CHST8: variants seen among roughly 807,000 people sequenced by gnomAD.
CHST8 encodes carbohydrate sulfotransferase 8, also known as GALNAC-4-ST1.
CHST8 carries 10 observed loss-of-function variants against 15.0 expected under a neutral mutation model. That is an observed-to-expected ratio of 0.67 (90% CI 0.41 to 1.13). CHST8 has a LOEUF of 1.13. CHST8 is among the 50% of genes most tolerant of loss of function. The pLI, the probability that CHST8 is intolerant of heterozygous loss-of-function variation, is 0.00. For missense variants in CHST8, 634 were observed against 608.2 expected (o/e 1.04, Z -0.45); for synonymous variants, 259 against 256.6 (o/e 1.01, Z -0.09).
rs557715273 is a variant in CHST8 at position 33,754,966 on chromosome 19, C to T, written c.131-16447C>T. Among the ~76,000 whole-genome samples, 42 of 152,316 alleles carry T rather than the reference C, an allele frequency of 2.8e-4. 1 individual carries two copies. In the South Asian group the frequency reaches 8.3e-3, roughly 30 times the overall value. ...CAGGGGCACCTGTCTGCAGCCTGAT[C>T]CTCCTTCTTCCGAGCAGCTCAGCCC... On this transcript the variant is annotated intron_variant, in intron 3 of 4. Transcript: ENST00000650847.
intron 1 of CHST8, among the ~76,000 whole-genome samples, chr19:33,623,267 C>T (rs956786831): frequency 5.9e-5 from 9 of 152,208 alleles, no homozygotes; most frequent in African/African-American, 2.2e-4. Flanking sequence ...CAGAAGTAGG[C>T]GCCGATCCTG....
intron 3 of CHST8, among the ~76,000 whole-genome samples, chr19:33,732,897 T>C (rs1157946481): frequency 6.6e-6 from 1 of 152,174 alleles, no homozygotes; most frequent in Non-Finnish European, 1.5e-5. Flanking sequence ...GGAGGGCATA[T>C]CACCCTCCCA....
chr19:33,680,249 A>G (rs1337591623), intron 2 of CHST8, among the ~76,000 whole-genome samples: 1 of 152,218 alleles, frequency 6.6e-6, no homozygotes, highest in Non-Finnish European at 1.5e-5. Context: ...TGTGCCTGGA[A>G]CGTTAACAAA....
intron 1 of CHST8, among the ~76,000 whole-genome samples, chr19:33,647,888 A>C (rs1318762961): frequency 2.6e-5 from 4 of 151,914 alleles, no homozygotes; most frequent in Non-Finnish European, 5.9e-5. Flanking sequence ...AGAAATGAGA[A>C]GATAGCTGCT....
chr19:33,655,750 CTT>C (rs1033390542), intron 1 of CHST8, among the ~76,000 whole-genome samples: 4 of 152,160 alleles, frequency 2.6e-5, no homozygotes, highest in African/African-American at 9.6e-5. Context: ...ACTTATCTCT[CTT>C]TCTTATTAAT....
intron 3 of CHST8, among the ~76,000 whole-genome samples, chr19:33,699,658 G>C (rs570495888): frequency 1.3e-5 from 2 of 152,084 alleles, no homozygotes; most frequent in Non-Finnish European, 2.9e-5. Flanking sequence ...CAATGCCCGC[G>C]GGTCTGCCTG....
intron 1 of CHST8, among the ~76,000 whole-genome samples, chr19:33,625,847 G>GCTCTCAAAATAAATTATTTTGT (rs1324038097): frequency 2.6e-5 from 4 of 152,322 alleles, no homozygotes; most frequent in Non-Finnish European, 5.9e-5. Flanking sequence ...AGGCGACAAA[G>GCTCTCAAAATAAATTATTTTGT]CGAGACTGTC....
intron 3 of CHST8, among the ~76,000 whole-genome samples, chr19:33,749,164 G>T (rs114397476): frequency 1.3e-5 from 2 of 152,052 alleles, no homozygotes; most frequent in African/African-American, 2.4e-5. Context: ...CACAGGTCCC[G>T]CCTTGCAGCC....
intron 3 of CHST8, among the ~76,000 whole-genome samples, chr19:33,718,059 T>G (rs2145304575): frequency 6.6e-6 from 1 of 152,248 alleles, no homozygotes; most frequent in Admixed American, 6.5e-5. Context: ...TCACTCTGTC[T>G]GAAGCCTCCC....
At chr19:33,697,781 G>A (rs36039268) in intron 3 of CHST8, among the ~76,000 whole-genome samples, 21,130 of 152,204 alleles carry the variant, frequency 0.14, 1,528 homozygotes, top group Middle Eastern at 0.3. Context: ...TGTGGATAAA[G>A]GATTGGAGTC....
At chr19:33,767,948 C>T (rs1026707196) in intron 3 of CHST8, among the ~76,000 whole-genome samples, 2 of 152,152 alleles carry the variant, frequency 1.3e-5, no homozygotes, top group African/African-American at 4.8e-5. Flanking sequence ...AAAACTCCTT[C>T]CCACCCATAA....
intron 3 of CHST8, among the ~76,000 whole-genome samples, chr19:33,732,652 C>CA (rs1974016443): frequency 6.6e-6 from 1 of 152,054 alleles, no homozygotes; most frequent in African/African-American, 2.4e-5. Context: ...ACAATTTTCT[C>CA]AGGCTCTGGG....
chr19:33,716,379 GT>G (rs984180636), intron 3 of CHST8, among the ~76,000 whole-genome samples: 1 of 152,058 alleles, frequency 6.6e-6, no homozygotes, highest in Non-Finnish European at 1.5e-5. Context: ...ATTTTGTTTT[GT>G]TTTTGAGACA....
intron 1 of CHST8, among the ~76,000 whole-genome samples, chr19:33,630,538 G>A (rs950176069): frequency 6.8e-6 from 1 of 148,126 alleles, no homozygotes; most frequent in African/African-American, 2.5e-5. Flanking sequence ...CCACACTGGT[G>A]GGGCCAGTGC....
chr19:33,648,757 A>G (rs1022377841), intron 1 of CHST8, among the ~76,000 whole-genome samples: 2 of 152,166 alleles, frequency 1.3e-5, no homozygotes, highest in African/African-American at 4.8e-5. Context: ...TTTGTACACG[A>G]ATGTGTACAC....
chr19:33,715,224 C>CGT, intron 3 of CHST8, among the ~76,000 whole-genome samples: 1 of 152,306 alleles, frequency 6.6e-6, no homozygotes, highest in East Asian at 1.9e-4. Flanking sequence ...AGGTCATGGA[C>CGT]GTGTGTGAAT....
intron 1 of CHST8, among the ~76,000 whole-genome samples, chr19:33,656,319 T>G (rs1218739207): frequency 6.6e-6 from 1 of 152,200 alleles, no homozygotes; most frequent in Non-Finnish European, 1.5e-5. Flanking sequence ...AAAAACCCAT[T>G]GCTTATTAAA....
At chr19:33,669,369 T>C (rs1437782162) in intron 2 of CHST8, among the ~76,000 whole-genome samples, 1 of 152,230 alleles carries the variant, frequency 6.6e-6, no homozygotes, top group African/African-American at 2.4e-5. Flanking sequence ...GATGGATTTA[T>C]GTCTATTGCA....
chr19:33,635,900 C>A (rs567413111), intron 1 of CHST8, among the ~76,000 whole-genome samples: 2 of 152,016 alleles, frequency 1.3e-5, no homozygotes, highest in African/African-American at 2.4e-5. Flanking sequence ...AGCCAACTAC[C>A]GTTTGCTTTA....
Sources: gnomAD v4.1 joint callset for allele counts (sites outside exome capture counted in the v4.1 genomes callset) on GRCh38, gnomAD v4.1.1 for gene constraint, MANE v1.5 for transcripts, NCBI Gene and HGNC (gene_info 2026-07-23, HGNC 2026-07-21) for gene names.